The following OSBPL8 variants were observed in gnomAD, a reference collection of about 807,000 sequenced individuals.
The protein encoded by OSBPL8 is oxysterol binding protein like 8, also known as oxysterol-binding protein-related protein 8.
In OSBPL8, 59 loss-of-function variants were observed where a neutral mutation model predicts 125.5. That is an observed-to-expected ratio of 0.47 (90% CI 0.38 to 0.58). The LOEUF is 0.58. Among genes scored for constraint, OSBPL8 ranks in the 20% least tolerant of loss-of-function variants. The pLI, the probability that OSBPL8 is intolerant of heterozygous loss-of-function variation, is 0.00. For missense variants in OSBPL8, 758 were observed against 1,047.8 expected, an observed-to-expected ratio of 0.72 and a Z score of 3.82; for synonymous variants, 330 against 338.9, an observed-to-expected ratio of 0.97 and a Z score of 0.29.
At chr12:76,509,539 C>CA (rs1396588491) in intron 1 of OSBPL8, among the ~76,000 whole-genome samples, 5 of 152,142 alleles carry the variant, frequency 3.3e-5, no homozygotes. Flanking sequence ...TGGCTTTCGT[C>CA]AAAATTATTT....
At chr12:76,444,509 C>A (rs565764382) in intron 4 of OSBPL8, among the ~76,000 whole-genome samples, 1 of 152,214 alleles carries the variant, frequency 6.6e-6, no homozygotes, top group African/African-American at 2.4e-5. Context: ...AGAAGACCAG[C>A]ACAAATAAAA....
intron 1 of OSBPL8, among the ~76,000 whole-genome samples, chr12:76,521,516 G>A (rs1381670897): frequency 6.6e-6 from 1 of 152,074 alleles, no homozygotes; most frequent in Non-Finnish European, 1.5e-5. Flanking sequence ...GTTCACAGCA[G>A]AATTATTCAC....
At chr12:76,382,568 G>T (rs1273122465) in intron 15 of OSBPL8, among the ~76,000 whole-genome samples, 3 of 152,120 alleles carry the variant, frequency 2.0e-5, no homozygotes, top group African/African-American at 7.2e-5. Context: ...CTGCTTTAGG[G>T]ATTACAATAT....
In OSBPL8 at chr12:76,559,730, G is replaced by A. The variant is rs1353358482; in HGVS notation, c.-401C>T. 2 of 152,240 alleles carry A rather than the reference G, an allele frequency of 1.3e-5. No homozygotes were observed. Among genetic ancestry groups the A allele is most frequent in the African/African-American group, 2.4e-5 (1 of 41,412 alleles). The allele number at this position is 152,240 out of a possible 1,614,324, so 9.4% of individuals were successfully genotyped here. On this transcript the variant is annotated 5_prime_UTR_variant, in exon 1 of 24. In the 5' UTR this introduces an upstream ATG that the reference lacks. Transcript: ENST00000261183. ...ACAGCCGCCGCCTGGCCAGGAGCGC[G>A]TCGCGGCCTAATGTTGTCATCCGCC...
chr12:76,449,317 C>T (rs981209842), intron 4 of OSBPL8, among the ~76,000 whole-genome samples: 3 of 152,166 alleles, frequency 2.0e-5, no homozygotes, highest in Non-Finnish European at 4.4e-5. Flanking sequence ...TAAACTTCAG[C>T]TGAGGAGCAG....
At chr12:76,508,025 G>A (rs1046936279) in intron 1 of OSBPL8, among the ~76,000 whole-genome samples, 23 of 152,084 alleles carry the variant, frequency 1.5e-4, no homozygotes, top group Middle Eastern at 3.4e-3. Flanking sequence ...ACAAAAATTA[G>A]CTGGGCATGG....
At chr12:76,436,711 C>T (rs1871497521) in intron 4 of OSBPL8, among the ~76,000 whole-genome samples, 1 of 151,868 alleles carries the variant, frequency 6.6e-6, no homozygotes, top group African/African-American at 2.4e-5. Flanking sequence ...GAAAACACGA[C>T]AGAAACCAGT....
At chr12:76,445,541 A>G (rs1220747048) in intron 4 of OSBPL8, among the ~76,000 whole-genome samples, 1 of 152,192 alleles carries the variant, frequency 6.6e-6, no homozygotes, top group Non-Finnish European at 1.5e-5. Context: ...AAACAAGACA[A>G]TTTTCAAATG....
intron 2 of OSBPL8, chr12:76,485,953 CAT>C (rs1878084375): frequency 2.9e-6 from 1 of 343,364 alleles, no homozygotes; most frequent in Non-Finnish European, 5.8e-6. Context: ...TAAAGTTTAT[CAT>C]AAAATAAACA....
At chr12:76,384,556 A>G (rs1953215883) in intron 14 of OSBPL8, among the ~76,000 whole-genome samples, 1 of 152,196 alleles carries the variant, frequency 6.6e-6, no homozygotes, top group Non-Finnish European at 1.5e-5. Context: ...CCCTCCTGGT[A>G]GTCACATAGG....
intron 6 of OSBPL8, among the ~76,000 whole-genome samples, chr12:76,402,481 C>T (rs571314784): frequency 6.6e-6 from 1 of 152,296 alleles, no homozygotes; most frequent in South Asian, 2.1e-4. Flanking sequence ...AAGCAGTCTG[C>T]TCTGTGACAG....
In OSBPL8 at chr12:76,351,887, AAC is replaced by A. The variant is rs1363155575; in HGVS notation, c.*4000_*4001del. 4 of 152,246 alleles carry A rather than the reference AAC, an allele frequency of 2.6e-5. No individual in the cohort carries two copies. Among genetic ancestry groups the A allele is most frequent in the African/African-American group, 7.2e-5 (3 of 41,460 alleles). 9.4% of individuals were successfully genotyped at this position (152,246 alleles called of 1,614,324 possible). ...TTAGAAAAATTCTTTTCTTTCTGCA[AAC>A]AGTTATAATAGGTTAGGAATAATAG... On this transcript the variant is annotated 3_prime_UTR_variant, in exon 24 of 24. Coordinates refer to ENST00000261183, the MANE Select transcript of OSBPL8 (RefSeq NM_020841.5).
At chr12:76,509,924 TC>T (rs1880806717) in intron 1 of OSBPL8, among the ~76,000 whole-genome samples, 1 of 152,126 alleles carries the variant, frequency 6.6e-6, no homozygotes, top group Admixed American at 6.5e-5. Context: ...TCTAGACAAC[TC>T]CCTTGATCTT....
chr12:76,509,665 A>AATG (rs770936191), intron 1 of OSBPL8, among the ~76,000 whole-genome samples: 1 of 152,324 alleles, frequency 6.6e-6, no homozygotes, highest in South Asian at 2.1e-4. Flanking sequence ...AAAGCAGAAA[A>AATG]ATGATGATGA....
chr12:76,384,275 G>C lies in OSBPL8; in HGVS notation c.1609C>G (p.Leu537Val). The C allele has an allele frequency of 1.3e-6, 2 of 1,551,346 alleles. No individual in the cohort carries two copies. Among genetic ancestry groups the C allele is most frequent in the Non-Finnish European group, 8.8e-7 (1 of 1,138,652 alleles). ...KDGFCLSGSI[L>V]AKSKFYGNSL... ...TCACCATAAAACTTAGACTTAGCCA[G>C]GATACTACCGCTAAGGCAAAATCCA... The change falls in exon 15 of 24, where the codon CTG (leucine) becomes GTG (valine). Residue 537 changes from leucine (L) to valine (V), a missense_variant. Leu to Val is a conservative substitution (Grantham distance 32, BLOSUM62 1). This residue lies in a region of OSBPL8 where 572 missense variants were observed against 762.0 expected (regional missense o/e 0.75). Transcript: ENST00000261183.
chr12:76,502,397 A>G (rs1050021056), intron 1 of OSBPL8, among the ~76,000 whole-genome samples: 4 of 152,190 alleles, frequency 2.6e-5, no homozygotes, highest in South Asian at 2.1e-4. Context: ...CTCGAAGTTA[A>G]GACTGCCATT....
intron 5 of OSBPL8, among the ~76,000 whole-genome samples, chr12:76,405,804 G>A (rs554526807): frequency 6.6e-6 from 1 of 152,120 alleles, no homozygotes; most frequent in African/African-American, 2.4e-5. Context: ...AAACTTTATT[G>A]ACCACTCTCT....
intron 3 of OSBPL8, among the ~76,000 whole-genome samples, chr12:76,456,825 C>T (rs948712388): frequency 1.3e-5 from 2 of 151,840 alleles, no homozygotes; most frequent in Admixed American, 6.6e-5. Flanking sequence ...AGTACTATAC[C>T]ATATTTATTG....
intron 9 of OSBPL8, 56 bp downstream of exon 9, chr12:76,394,589 T>G: frequency 7.7e-7 from 1 of 1,299,012 alleles, no homozygotes; most frequent in Non-Finnish European, 1.1e-6. Flanking sequence ...AAAGTGGCAT[T>G]AAAAAAACTC....
Sources: allele counts gnomAD v4.1 joint callset (sites outside exome capture counted in the v4.1 genomes callset), GRCh38; gene constraint gnomAD v4.1.1; regional missense constraint gnomAD v4.1.1; transcripts MANE v1.5; gene names NCBI Gene and HGNC (gene_info 2026-07-23, HGNC 2026-07-21).